GPHN: variants seen among roughly 807,000 people sequenced by gnomAD.
GPHN encodes the protein gephyrin.
A neutral mutation model predicts 95.5 loss-of-function variants in GPHN; 17 were observed. The ratio of observed to expected loss-of-function variants is 0.18; its 90% CI spans 0.12 to 0.27. The LOEUF is 0.27. Ranked by LOEUF, GPHN falls within the 10% of genes least tolerant of loss-of-function variation. The probability of loss-of-function intolerance (pLI) is 1.00; values close to 1 mark genes in which losing one functional copy is unlikely to be tolerated. For synonymous variants in GPHN, 320 were observed against 322.5 expected, an observed-to-expected ratio of 0.99 and a Z score of 0.08; for missense variants, 660 against 978.1, an observed-to-expected ratio of 0.67 and a Z score of 4.34.
At chr14:66,524,665 A>C (rs2058616176) in intron 1 of GPHN, among the ~76,000 whole-genome samples, 1 of 151,864 alleles carries the variant, frequency 6.6e-6, no homozygotes, top group Non-Finnish European at 1.5e-5. Flanking sequence ...ACACCCCGAC[A>C]GGCCCCAGTG....
the GPHN span, among the ~76,000 whole-genome samples, chr14:67,314,475 G>C: frequency 6.6e-6 from 1 of 152,140 alleles, no homozygotes; most frequent in Admixed American, 6.5e-5. Context: ...AGGAGGAATG[G>C]ACTTCTTACA....
intron 8 of GPHN, among the ~76,000 whole-genome samples, chr14:66,960,682 G>C (rs1366497998): frequency 6.6e-6 from 1 of 152,060 alleles, no homozygotes; most frequent in Non-Finnish European, 1.5e-5. Flanking sequence ...TCAACACTCA[G>C]CCAGGCAATT....
At chr14:67,223,877 A>C in the GPHN span, 1 of 985,796 alleles carries the variant, frequency 1.0e-6, no homozygotes, top group Non-Finnish European at 1.2e-6. Flanking sequence ...CCCCAAGAAA[A>C]GCAAAGACTG....
At chr14:67,150,440 C>CAAAAAAAAAAAACAAA (rs2081193523) in intron 18 of GPHN, among the ~76,000 whole-genome samples, 3 of 16,994 alleles carry the variant, frequency 1.8e-4, no homozygotes, top group Non-Finnish European at 3.0e-4. Flanking sequence ...GACTCCGTCT[C>CAAAAAAAAAAAACAAA]AAAAAAAAAA....
chr14:67,572,295 C>T, the GPHN span: 71 of 1,529,098 alleles, frequency 4.6e-5, no homozygotes, highest in East Asian at 3.0e-4. Flanking sequence ...GGGAAACGGG[C>T]GGGGGCAGGG....
At chr14:67,662,963 C>G in the GPHN span, 1 of 1,356,168 alleles carries the variant, frequency 7.4e-7, no homozygotes, top group Non-Finnish European at 9.4e-7. Context: ...CCTCACCACT[C>G]CCACAGTGAA....
the GPHN span, chr14:67,727,388 CA>C: frequency 1.8e-6 from 1 of 561,890 alleles, no homozygotes; most frequent in Non-Finnish European, 3.2e-6. Context: ...TTAAGAACCT[CA>C]AAAAGTTACC....
At chr14:67,419,560 A>AT in the GPHN span, among the ~76,000 whole-genome samples, 2 of 152,162 alleles carry the variant, frequency 1.3e-5, no homozygotes, top group Admixed American at 6.5e-5. Context: ...GGGGGTTCTC[A>AT]TCTCATAAAG....
At chr14:67,391,057 G>T in the GPHN span, among the ~76,000 whole-genome samples, 1 of 152,166 alleles carries the variant, frequency 6.6e-6, no homozygotes, top group Non-Finnish European at 1.5e-5. Context: ...GAGGCAGCAG[G>T]TGTCAGCTGG....
chr14:66,555,323 T>C (rs2059966173), intron 1 of GPHN, among the ~76,000 whole-genome samples: 1 of 152,212 alleles, frequency 6.6e-6, no homozygotes, highest in Non-Finnish European at 1.5e-5. Context: ...TTCCTCCTTT[T>C]CTGTATTGAT....
At chr14:67,663,047 G>A in the GPHN span, 23 of 1,440,212 alleles carry the variant, frequency 1.6e-5, no homozygotes, top group South Asian at 1.9e-4. Context: ...CTGAGAGGCT[G>A]TCTGGTGTGG....
chr14:67,347,516 T>TC, the GPHN span: 172 of 1,421,902 alleles, frequency 1.2e-4, 1 homozygote, highest in Middle Eastern at 6.0e-4. Flanking sequence ...TTTTTTTTTT[T>TC]CTGAGACGGA....
the GPHN span, among the ~76,000 whole-genome samples, chr14:67,419,935 T>C: frequency 1.3e-5 from 2 of 151,962 alleles, no homozygotes; most frequent in African/African-American, 4.8e-5. Context: ...TTCTATTCCA[T>C]GGAAAAGTAG....
intron 8 of GPHN, 103 bp from the exon 9 acceptor site, chr14:66,965,088 T>C: frequency 1.1e-6 from 1 of 916,590 alleles, no homozygotes; most frequent in Non-Finnish European, 1.8e-6. Flanking sequence ...ACACCAAATA[T>C]GTCAGAGCTG....
chr14:66,776,254 C>T (rs771813448), intron 2 of GPHN, among the ~76,000 whole-genome samples: 15 of 151,966 alleles, frequency 9.9e-5, no homozygotes, highest in Non-Finnish European at 2.1e-4. Flanking sequence ...AAAAATCTAA[C>T]AATATTTTCT....
chr14:67,548,755 A>C, the GPHN span, among the ~76,000 whole-genome samples: 78,808 of 152,018 alleles, frequency 0.52, 20,906 homozygotes, highest in Non-Finnish European at 0.58. Flanking sequence ...TAGCTTAAAA[A>C]CTTCTAACTG....
At chr14:66,738,118 A>G (rs2072459838) in intron 2 of GPHN, among the ~76,000 whole-genome samples, 1 of 152,242 alleles carries the variant, frequency 6.6e-6, no homozygotes, top group African/African-American at 2.4e-5. Flanking sequence ...GACTACAGCA[A>G]ATTTTGAAAG....
the GPHN span, among the ~76,000 whole-genome samples, chr14:67,246,788 A>T: frequency 6.7e-6 from 1 of 150,122 alleles, no homozygotes; most frequent in Non-Finnish European, 1.5e-5. Flanking sequence ...AGTAGCTGGG[A>T]TTATAAGCGC....
intron 2 of GPHN, among the ~76,000 whole-genome samples, chr14:66,697,245 CAAT>C (rs1373539584): frequency 6.6e-6 from 1 of 152,068 alleles, no homozygotes; most frequent in Admixed American, 6.6e-5. Context: ...ATAATATTGT[CAAT>C]GATGAATTGT....
Sources: allele counts gnomAD v4.1 joint callset (sites outside exome capture counted in the v4.1 genomes callset), GRCh38; gene constraint gnomAD v4.1.1; transcripts MANE v1.5; gene names NCBI Gene and HGNC (gene_info 2026-07-23, HGNC 2026-07-21).